The following SEC61A2 variants were observed in gnomAD, a reference collection of about 807,000 sequenced individuals.
SEC61A2 encodes SEC61 translocon subunit alpha 2, also known as protein transport protein Sec61 subunit alpha isoform 2.
In SEC61A2, 28 loss-of-function variants were observed where a neutral mutation model predicts 59.9. The observed-to-expected ratio is 0.47, with a 90% CI of 0.35 to 0.64. The LOEUF (loss-of-function observed/expected upper bound fraction) is 0.64. SEC61A2 is among the 30% of genes least tolerant of loss of function. The pLI is 0.01. For synonymous variants in SEC61A2, 202 were observed against 214.4 expected (o/e 0.94, Z 0.50); for missense variants, 340 against 585.9 (o/e 0.58, Z 4.33).
chr10:12,130,172 A>G (rs759185582), intron 1 of SEC61A2, among the ~76,000 whole-genome samples: 46 of 152,264 alleles, frequency 3.0e-4, no homozygotes, highest in African/African-American at 1.1e-3. Flanking sequence ...TGTTGCATTG[A>G]AGAAAGCTCC....
In SEC61A2 at chr10:12,152,334, C is replaced by G. The variant is rs1834294375; in HGVS notation, c.462+2373C>G. Among the ~76,000 whole-genome samples, 1 of 151,284 alleles carries G rather than the reference C, an allele frequency of 6.6e-6. No homozygotes were observed. The highest frequency in any genetic ancestry group is 2.4e-5 in the African/African-American group (1 of 41,130). On this transcript the variant is annotated intron_variant, in intron 6 of 11. Coordinates refer to ENST00000298428, the MANE Select transcript of SEC61A2 (RefSeq NM_018144.4). This position sits in a 1 kb window ranked among gnomAD's most constrained non-coding sequence, Gnocchi z 5.5. ...ACCTTAGGTGATCCACCCGCCTCGG[C>G]CTTCCAAAATGCTGGGATTACAGGC...
At chr10:12,148,929 C>A (rs1310382927) in intron 4 of SEC61A2, among the ~76,000 whole-genome samples, 2 of 152,188 alleles carry the variant, frequency 1.3e-5, no homozygotes, top group South Asian at 2.1e-4. Context: ...GGACTATTTT[C>A]TCATATGAAG....
chr10:12,154,117 C>T lies in SEC61A2; in HGVS notation c.463-1661C>T, dbSNP rs756479406. Among the ~76,000 whole-genome samples the T allele has an allele frequency of 1.3e-5, 2 of 152,138 alleles. No homozygotes were observed. The highest frequency in any genetic ancestry group is 2.4e-5 in the African/African-American group (1 of 41,422). ...CTCATCATACATGTCGTCCATTCCCCGTGAACATGTAGCAGTTAGGGTTCT... is the reference window on the plus strand; with the variant it reads ...CTCATCATACATGTCGTCCATTCCCTGTGAACATGTAGCAGTTAGGGTTCT... On this transcript the variant is annotated intron_variant, in intron 6 of 11. Transcript: ENST00000298428. This position sits in a 1 kb window ranked among gnomAD's most constrained non-coding sequence, Gnocchi z 5.2.
Position 12,129,797 on chromosome 10 carries a change from G to T in SEC61A2, c.7+3G>T. The T allele has an allele frequency of 6.9e-7, 1 of 1,447,220 alleles. No individual in the cohort carries two copies. Among genetic ancestry groups the T allele is most frequent in the Non-Finnish European group, 9.1e-7 (1 of 1,100,524 alleles). 89.6% of individuals were successfully genotyped at this position (1,447,220 alleles called of 1,614,324 possible). A position where few individuals can be genotyped will look rare whatever the true frequency, so the allele number is the denominator to read the frequency against. On this transcript the variant is annotated splice_donor_region_variant and intron_variant, in intron 1 of 11. Transcript: ENST00000298428. The surrounding 1 kb of genome is among the most constrained non-coding windows in gnomAD (Gnocchi z 5.6). ...CTCCCCAGCAGCAGCCATGGGCAGT[G>T]AGTAGCGGCGGCTGGAGCGGGGACT... is the stretch of plus-strand genomic sequence containing the variant.
Position 12,158,549 on chromosome 10 carries a change from G to A in SEC61A2, c.975+444G>A, listed in dbSNP as rs1337813847. On this transcript the variant is annotated intron_variant, in intron 9 of 11. Transcript: ENST00000298428. The surrounding 1 kb of genome is among the most constrained non-coding windows in gnomAD (Gnocchi z 5.7). ...AGTTCGAGACCAGCCTGGCCACATGGTGAAACCCCGTCTCCACTAAAAATA... is the reference window on the plus strand; with the variant it reads ...AGTTCGAGACCAGCCTGGCCACATGATGAAACCCCGTCTCCACTAAAAATA... Among the ~76,000 whole-genome samples the A allele has an allele frequency of 3.3e-5, 5 of 152,140 alleles. No homozygotes were observed. The highest frequency in any genetic ancestry group is 4.4e-5 in the Non-Finnish European group (3 of 67,984).
At chr10:12,148,616 T>G (rs1341733347) in intron 4 of SEC61A2, among the ~76,000 whole-genome samples, 1 of 151,004 alleles carries the variant, frequency 6.6e-6, no homozygotes, top group Non-Finnish European at 1.5e-5. Context: ...CTTGGTTCAC[T>G]GCAACCTCCA....
downstream of SEC61A2, chr10:12,165,640 T>A (rs1397234628): frequency 6.6e-6 from 1 of 152,340 alleles, no homozygotes; most frequent in East Asian, 1.9e-4. Flanking sequence ...AGAGCATAGA[T>A]CTTGGTAAAT....
At position 12,160,591 on chromosome 10, in the gene SEC61A2, T is replaced by C. The variant is rs1421152691; in HGVS notation, c.976-339T>C. 6.6e-6 allele frequency among the ~76,000 whole-genome samples: 1 copy of C among 152,238 alleles called. No individual in the cohort carries two copies. The highest frequency in any genetic ancestry group is 1.5e-5 in the Non-Finnish European group (1 of 68,044). The stretch of plus-strand genomic sequence containing the variant: ...ATCTTAATGTACTGACTGGATACTC[T>C]CATAGCTCAGAAAATTTCAGATTTT... On this transcript the variant is annotated intron_variant, in intron 9 of 11. Coordinates refer to ENST00000298428, the MANE Select transcript of SEC61A2 (RefSeq NM_018144.4). This position sits in a 1 kb window ranked among gnomAD's most constrained non-coding sequence, Gnocchi z 4.1.
At chr10:12,132,613 CAAAAA>C (rs58070623) in intron 1 of SEC61A2, among the ~76,000 whole-genome samples, 3 of 135,204 alleles carry the variant, frequency 2.2e-5, no homozygotes, top group South Asian at 2.4e-4. Context: ...GACTCTGTCT[CAAAAA>C]AAAAAAAAAA....
rs1029505817 is a variant in SEC61A2 at position 12,152,408 on chromosome 10, G to A, written c.462+2447G>A. Among the ~76,000 whole-genome samples the A allele has an allele frequency of 1.3e-5, 2 of 152,192 alleles. No individual in the cohort carries two copies. The highest frequency in any genetic ancestry group is 4.8e-5 in the African/African-American group (2 of 41,454). ...GGCAGGAATTTTTAATGAAAATCAGGTTATTTGGAAGCTTTCTGATCCCCA... is the reference window on the plus strand; with the variant it reads ...GGCAGGAATTTTTAATGAAAATCAGATTATTTGGAAGCTTTCTGATCCCCA... On this transcript the variant is annotated intron_variant, in intron 6 of 11. Coordinates refer to ENST00000298428, the MANE Select transcript of SEC61A2 (RefSeq NM_018144.4). The surrounding 1 kb of genome is among the most constrained non-coding windows in gnomAD (Gnocchi z 5.5).
rs1834445037 is a variant in SEC61A2, at chr10:12,158,019, C to T, written c.889C>T (p.Leu297=). The part of the protein sequence containing the change: ...SNIPIILQSA[L]VSNLYVISQM... ...CATCCCCATCATCCTCCAGTCGGCC[C>T]TGGTGTCCAACCTGTATGTTATTTC... Residue 297 remains leucine (L), a synonymous_variant, in exon 9 of 12, where the codon CTG becomes TTG. Coordinates refer to ENST00000298428, the MANE Select transcript of SEC61A2 (RefSeq NM_018144.4). This position sits in a 1 kb window ranked among gnomAD's most constrained non-coding sequence, Gnocchi z 5.7. The T allele has an allele frequency of 6.2e-7, 1 of 1,614,218 alleles. No homozygotes were observed. The highest frequency in any genetic ancestry group is 8.5e-7 in the Non-Finnish European group (1 of 1,180,042).
In SEC61A2 at chr10:12,161,229, G is replaced by C. The variant is rs1028757384; in HGVS notation, c.1167+108G>C. The stretch of plus-strand genomic sequence containing the variant: ...GAGGCCGCTGGATCGCTTCACCTCA[G>C]GAGTTTTGAGACCAGCCTGGGCAAC... On this transcript the variant is annotated intron_variant, in intron 10 of 11. Coordinates refer to ENST00000298428, the MANE Select transcript of SEC61A2 (RefSeq NM_018144.4). The surrounding 1 kb of genome is among the most constrained non-coding windows in gnomAD (Gnocchi z 5.4). 5.6e-5 allele frequency: 46 copies of C among 820,486 alleles called. No individual in the cohort carries two copies. The highest frequency in any genetic ancestry group is 7.7e-5 in the Non-Finnish European group (41 of 532,636). The allele number at this position is 820,486 out of a possible 1,614,324, so 50.8% of individuals were successfully genotyped here.
chr10:12,134,157 C>A (rs1833827511), intron 2 of SEC61A2, among the ~76,000 whole-genome samples: 1 of 152,360 alleles, frequency 6.6e-6, no homozygotes, highest in South Asian at 2.1e-4. Context: ...CAGGCGCCCA[C>A]CACCATGCCC....
In SEC61A2 at chr10:12,153,627, A is replaced by G. The variant is rs1438504986; in HGVS notation, c.463-2151A>G. On this transcript the variant is annotated intron_variant, in intron 6 of 11. Coordinates refer to ENST00000298428, the MANE Select transcript of SEC61A2 (RefSeq NM_018144.4). The surrounding 1 kb of genome is among the most constrained non-coding windows in gnomAD (Gnocchi z 5.2). ...GATGTACACTGATTCATTTACATGA[A>G]TTCTGATACACAAATATGCGTGTTA... is the stretch of plus-strand genomic sequence containing the variant. 9 of 1,203,758 alleles carry G rather than the reference A, an allele frequency of 7.5e-6. No individual in the cohort carries two copies. The highest frequency in any genetic ancestry group is 1.0e-5 in the Non-Finnish European group (9 of 870,206). The allele number at this position is 1,203,758 out of a possible 1,614,324, so 74.6% of individuals were successfully genotyped here.
At chr10:12,134,459 C>T (rs1311845899) in intron 2 of SEC61A2, among the ~76,000 whole-genome samples, 1 of 152,182 alleles carries the variant, frequency 6.6e-6, no homozygotes, top group African/African-American at 2.4e-5. Flanking sequence ...CACCGAATCG[C>T]GTGCACATTG....
In SEC61A2 at chr10:12,164,473, T is replaced by C. The variant is rs779776233; in HGVS notation, c.*19T>C. ...TTTCTAAATGTTCAAATATTTCATT[T>C]TGTGCGTGTGAAAGGGAAAACACTT... On this transcript the variant is annotated 3_prime_UTR_variant, in exon 12 of 12. Coordinates refer to ENST00000298428, the MANE Select transcript of SEC61A2 (RefSeq NM_018144.4). This position sits in a 1 kb window ranked among gnomAD's most constrained non-coding sequence, Gnocchi z 7.3. 23 of 1,606,874 alleles carry C rather than the reference T, an allele frequency of 1.4e-5. No homozygotes were observed. The South Asian group carries it at 2.4e-4, about 17-fold the overall frequency.
chr10:12,135,452 A>T (rs1428782873), intron 2 of SEC61A2, among the ~76,000 whole-genome samples: 3 of 152,230 alleles, frequency 2.0e-5, no homozygotes, highest in Non-Finnish European at 4.4e-5. Context: ...TTTTTAGAAC[A>T]TATTTCTCTT....
chr10:12,159,782 T>C (rs574342047), intron 9 of SEC61A2, among the ~76,000 whole-genome samples: 2 of 152,360 alleles, frequency 1.3e-5, no homozygotes, highest in East Asian at 3.9e-4. Flanking sequence ...ATAGTATTTT[T>C]CTGTACAGTT....
chr10:12,134,513 C>G (rs914411079), intron 2 of SEC61A2, among the ~76,000 whole-genome samples: 1 of 152,092 alleles, frequency 6.6e-6, no homozygotes, highest in Non-Finnish European at 1.5e-5. Context: ...CATTTAACAC[C>G]GTACAATGCA....
Sources: gnomAD v4.1 joint callset for allele counts (sites outside exome capture counted in the v4.1 genomes callset) on GRCh38, gnomAD v4.1.1 for gene constraint, Gnocchi (gnomAD v3.1) non-coding constraint, MANE v1.5 for transcripts, NCBI Gene and HGNC (gene_info 2026-07-23, HGNC 2026-07-21) for gene names.